PMPCB: variants seen among roughly 807,000 people sequenced by gnomAD.
PMPCB encodes the protein peptidase, mitochondrial processing subunit beta.
A neutral mutation model predicts 61.5 loss-of-function variants in PMPCB; 46 were observed. That is an observed-to-expected ratio of 0.75 (90% CI 0.59 to 0.96). The LOEUF is 0.96. Ranked by LOEUF, PMPCB falls within the 40% of genes least tolerant of loss-of-function variation. The pLI, the probability that PMPCB is intolerant of heterozygous loss-of-function variation, is 0.00. For missense variants in PMPCB, 590 were observed against 602.4 expected (o/e 0.98, Z 0.22); for synonymous variants, 191 against 201.6 (o/e 0.95, Z 0.44).
the PMPCB span, among the ~76,000 whole-genome samples, chr7:103,339,942 G>A: frequency 6.6e-6 from 1 of 152,144 alleles, no homozygotes; most frequent in East Asian, 1.9e-4. Flanking sequence ...GAGTTGAAGT[G>A]ATTCTCCTGC....
the PMPCB span, among the ~76,000 whole-genome samples, chr7:103,334,976 G>A: frequency 6.6e-6 from 1 of 152,056 alleles, no homozygotes; most frequent in African/African-American, 2.4e-5. Flanking sequence ...TGGGATTACA[G>A]GCATGCGTCT....
Position 103,313,655 on chromosome 7 carries a change from T to C in PMPCB, c.*1384T>C. 2.0e-6 allele frequency: 2 copies of C among 985,452 alleles called. No homozygotes were observed. The highest frequency in any genetic ancestry group is 4.7e-5 in the South Asian group (1 of 21,288). The allele number at this position is 985,452 out of a possible 1,614,324, so 61.0% of individuals were successfully genotyped here. A position where few individuals can be genotyped will look rare whatever the true frequency, so the allele number is the denominator to read the frequency against. On this transcript the variant is annotated 3_prime_UTR_variant, in exon 13 of 13. Coordinates refer to ENST00000249269, the MANE Select transcript of PMPCB (RefSeq NM_004279.3). ...GAGATTAGATTGTGTTGTAGTGTGG[T>C]GTTCTCTTCGTCACATCTGCTAAAA...
At chr7:103,301,714 G>A (rs1817456218) in intron 4 of PMPCB, among the ~76,000 whole-genome samples, 1 of 152,178 alleles carries the variant, frequency 6.6e-6, no homozygotes. Flanking sequence ...TTCACCCTGG[G>A]TGTGAAGCCT....
chr7:103,327,755 C>T, intron 12 of PMPCB: 2 of 1,604,772 alleles, frequency 1.2e-6, no homozygotes, highest in Non-Finnish European at 8.5e-7. Flanking sequence ...ATTGCTTTAT[C>T]TACAAAACCA....
At chr7:103,334,994 C>T in the PMPCB span, among the ~76,000 whole-genome samples, 31 of 151,828 alleles carry the variant, frequency 2.0e-4, no homozygotes, top group Non-Finnish European at 4.0e-4. Flanking sequence ...TCTCCATGCC[C>T]GCCTAATTTT....
chr7:103,298,662 G>A lies in PMPCB; in HGVS notation c.194G>A (p.Ser65Asn), dbSNP rs752322398. ...GAAACAAGAGTAACATGTTTAGAAAGTGGACTCAGAGTAGCTTCGGAAGAC... is the reference window on the plus strand; with the variant it reads ...GAAACAAGAGTAACATGTTTAGAAAATGGACTCAGAGTAGCTTCGGAAGAC... ...VPETRVTCLE[S>N]GLRVASEDSG... is the part of the protein sequence containing the mutation. Residue 65 changes from serine to asparagine, a missense_variant, in exon 2 of 13, where the codon AGT (serine) becomes AAT (asparagine). By Grantham distance (46) the Ser-to-Asn change is conservative. Transcript: ENST00000249269. 8.1e-6 allele frequency: 13 copies of A among 1,614,046 alleles called. No individual in the cohort carries two copies. The highest frequency in any genetic ancestry group is 1.0e-5 in the Non-Finnish European group (12 of 1,180,000).
downstream of PMPCB, chr7:103,317,371 A>G (rs1369753107): frequency 3.1e-5 from 6 of 196,572 alleles, no homozygotes; most frequent in East Asian, 1.3e-4. Flanking sequence ...TCTGCAGACA[A>G]TCTCATTTAT....
chr7:103,299,623 T>C (rs1471766369), intron 3 of PMPCB, 94 bp downstream of exon 3: 4 of 663,390 alleles, frequency 6.0e-6, no homozygotes, highest in Non-Finnish European at 1.0e-5. Context: ...CTTTCAGTAG[T>C]ATAACATGTT....
chr7:103,328,529 GC>G (rs913318359), intron 12 of PMPCB, among the ~76,000 whole-genome samples: 2 of 152,056 alleles, frequency 1.3e-5, no homozygotes, highest in Non-Finnish European at 2.9e-5. Context: ...TACTCAGGTG[GC>G]TCAGACATAA....
intron 9 of PMPCB, chr7:103,311,392 T>C (rs1247643793): frequency 1.2e-5 from 6 of 518,448 alleles, no homozygotes; most frequent in South Asian, 2.7e-5. Flanking sequence ...AAGATGCTTA[T>C]AGCATTTCTG....
At chr7:103,322,603 T>G in intron 12 of PMPCB, 1 of 1,612,720 alleles carries the variant, frequency 6.2e-7, no homozygotes, top group South Asian at 1.1e-5. Flanking sequence ...TTGAACTTTT[T>G]TATCCTTGGA....
In PMPCB at chr7:103,303,057, C is replaced by T. The variant is rs563418233; in HGVS notation, c.458-785C>T. 1.9e-3 allele frequency among the ~76,000 whole-genome samples: 286 copies of T among 152,020 alleles called. 2 individuals carry two copies. Among genetic ancestry groups the T allele is most frequent in the Non-Finnish European group, 2.6e-3 (177 of 67,994 alleles). On this transcript the variant is annotated intron_variant, in intron 4 of 12. Coordinates refer to ENST00000249269, the MANE Select transcript of PMPCB (RefSeq NM_004279.3). ...CTTAATGGCCTAATATAACATGTTC[C>T]ACTTCACTTTTGGCTTTTTGCAAAT...
At chr7:103,297,939 C>T (rs929821602) in intron 1 of PMPCB, 15 of 1,248,440 alleles carry the variant, frequency 1.2e-5, no homozygotes, top group Non-Finnish European at 1.5e-5. Flanking sequence ...TCCCGCGAAC[C>T]TGGACATCAA....
chr7:103,304,325 T>G, intron 5 of PMPCB, 86 bp from the exon 6 acceptor site: 1 of 811,588 alleles, frequency 1.2e-6, no homozygotes, highest in Non-Finnish European at 2.1e-6. Flanking sequence ...AGGATACAGT[T>G]ATGGTCCAAT....
chr7:103,344,842 T>C, the PMPCB span: 761 of 603,912 alleles, frequency 1.3e-3, 4 homozygotes, highest in African/African-American at 0.013. Flanking sequence ...ACGTGTGCGG[T>C]AACCTAGTTC....
At chr7:103,321,295 G>A (rs1818394854) in intron 12 of PMPCB, among the ~76,000 whole-genome samples, 2 of 151,432 alleles carry the variant, frequency 1.3e-5, no homozygotes, top group South Asian at 4.2e-4. Context: ...GAGATGGGTG[G>A]ATCATGAGGT....
chr7:103,298,829 G>A (rs1024425204), intron 2 of PMPCB, 121 bp downstream of exon 2: 8 of 907,910 alleles, frequency 8.8e-6, no homozygotes, highest in Non-Finnish European at 1.3e-5. Flanking sequence ...ATTTTGCCTT[G>A]ACAGATTTCC....
Position 103,297,458 on chromosome 7 carries a change from A to T in PMPCB, c.-2A>T, listed in dbSNP as rs143710211. On this transcript the variant is annotated 5_prime_UTR_variant, in exon 1 of 13. Coordinates refer to ENST00000249269, the MANE Select transcript of PMPCB (RefSeq NM_004279.3). Reference sequence around the variant, plus strand: ...TCATCCTCTACCTTCCTTCTAGCAGAAATGGCGGCTGCGGCGGCTCGAGTG... The same window carrying T: ...TCATCCTCTACCTTCCTTCTAGCAGTAATGGCGGCTGCGGCGGCTCGAGTG... 5.7e-5 allele frequency: 88 copies of T among 1,546,588 alleles called. No individual in the cohort carries two copies. Among genetic ancestry groups the T allele is most frequent in the Non-Finnish European group, 7.3e-5 (84 of 1,145,986 alleles).
chr7:103,344,425 A>G, the PMPCB span: 1 of 931,440 alleles, frequency 1.1e-6, no homozygotes, highest in Non-Finnish European at 1.7e-6. Context: ...GCAAAAAGGC[A>G]CTCGTCACGG....
Sources: gnomAD v4.1 joint callset for allele counts (sites outside exome capture counted in the v4.1 genomes callset) on GRCh38, gnomAD v4.1.1 for gene constraint, MANE v1.5 for transcripts, NCBI Gene and HGNC (gene_info 2026-07-23, HGNC 2026-07-21) for gene names.